The following NPAS3 variants were observed in gnomAD, a reference collection of about 807,000 sequenced individuals.
The protein encoded by NPAS3 is neuronal PAS domain protein 3.
Under a neutral mutation model 73.1 loss-of-function variants are expected in NPAS3, and 14 were observed. The ratio of observed to expected loss-of-function variants is 0.19; its 90% CI spans 0.13 to 0.30. NPAS3 has a LOEUF of 0.30. Among genes scored for constraint, NPAS3 ranks in the 10% least tolerant of loss-of-function variants. The pLI, the probability that NPAS3 is intolerant of heterozygous loss-of-function variation, is 1.00. For missense variants in NPAS3, 1,096 were observed against 1,250.0 expected (o/e 0.88, Z 1.86); for synonymous variants, 620 against 541.5 (o/e 1.14, Z -2.01).
rs375940595 is a variant in NPAS3 at position 33,101,679 on chromosome 14, G to C, written c.140+45685G>C. 3.5e-4 allele frequency among the ~76,000 whole-genome samples: 54 copies of C among 152,170 alleles called. 1 individual carries two copies. In the East Asian group the frequency reaches 9.9e-3, roughly 28 times the overall value. ...GGCCAGAGTTACATTTATGGGATCT[G>C]AGCCAACACCATTCATTCCTAAGCT... On this transcript the variant is annotated intron_variant, in intron 2 of 11. Transcript: ENST00000356141.
intron 4 of NPAS3, among the ~76,000 whole-genome samples, chr14:33,558,418 C>T (rs1265302208): frequency 2.6e-5 from 4 of 151,966 alleles, no homozygotes; most frequent in South Asian, 2.1e-4. Context: ...GCCACCACAC[C>T]CAGCTAATTT....
intron 1 of NPAS3, among the ~76,000 whole-genome samples, chr14:32,962,368 A>G (rs1439194598): frequency 1.3e-5 from 2 of 152,194 alleles, no homozygotes; most frequent in Admixed American, 1.3e-4. Context: ...GGAACAAGAC[A>G]AACCACTTAA....
chr14:33,186,397 TA>T (rs2045976216), intron 2 of NPAS3, among the ~76,000 whole-genome samples: 1 of 152,216 alleles, frequency 6.6e-6, no homozygotes, highest in African/African-American at 2.4e-5. Context: ...AAGTATTTTT[TA>T]AAGTGAATCT....
intron 1 of NPAS3, among the ~76,000 whole-genome samples, chr14:33,000,015 T>C (rs997426578): frequency 6.6e-6 from 1 of 152,148 alleles, no homozygotes; most frequent in African/African-American, 2.4e-5. Flanking sequence ...CAAAATGACC[T>C]AGTACACAAA....
chr14:33,054,307 A>G (rs2040808150), intron 1 of NPAS3, among the ~76,000 whole-genome samples: 1 of 152,330 alleles, frequency 6.6e-6, no homozygotes, highest in Non-Finnish European at 1.5e-5. Flanking sequence ...TACAATAATC[A>G]ACATGGGGCT....
intron 1 of NPAS3, among the ~76,000 whole-genome samples, chr14:33,028,945 G>A (rs954663777): frequency 6.6e-6 from 1 of 152,134 alleles, no homozygotes; most frequent in Admixed American, 6.5e-5. Context: ...GTTAAGCCCA[G>A]TGTGCATTAG....
At chr14:33,065,702 C>T (rs1208616027) in intron 2 of NPAS3, among the ~76,000 whole-genome samples, 2 of 151,884 alleles carry the variant, frequency 1.3e-5, no homozygotes, top group Admixed American at 6.6e-5. Context: ...GATCTCTGGG[C>T]CTTGCTCTTT....
chr14:33,389,260 G>A (rs755872372), intron 4 of NPAS3, among the ~76,000 whole-genome samples: 16 of 152,150 alleles, frequency 1.1e-4, no homozygotes, highest in Non-Finnish European at 2.2e-4. Context: ...TTTCATCATC[G>A]CGACTGCTTT....
At chr14:33,148,948 A>G (rs2044346103) in intron 2 of NPAS3, among the ~76,000 whole-genome samples, 1 of 152,048 alleles carries the variant, frequency 6.6e-6, no homozygotes, top group African/African-American at 2.4e-5. Flanking sequence ...TGGCCTCCCC[A>G]AGTGCTAAGA....
At chr14:32,966,503 A>G (rs899151844) in intron 1 of NPAS3, among the ~76,000 whole-genome samples, 20 of 152,206 alleles carry the variant, frequency 1.3e-4, no homozygotes, top group African/African-American at 3.6e-4. Context: ...CTACATGTGG[A>G]AGAATAAAAC....
At chr14:33,329,653 G>GGGTAGGCAGGGGCACGATGT (rs2043889366) in intron 3 of NPAS3, among the ~76,000 whole-genome samples, 2 of 152,194 alleles carry the variant, frequency 1.3e-5, no homozygotes, top group Admixed American at 1.3e-4. Context: ...GGGCACGATG[G>GGGTAGGCAGGGGCACGATGT]GGTAGGCAGG....
At chr14:33,281,955 T>G (rs1457547974) in intron 3 of NPAS3, among the ~76,000 whole-genome samples, 1 of 152,142 alleles carries the variant, frequency 6.6e-6, no homozygotes, top group Non-Finnish European at 1.5e-5. Flanking sequence ...TAATTCAAGT[T>G]TTTTTGCTAA....
chr14:33,476,714 C>G (rs1028417835), intron 4 of NPAS3, among the ~76,000 whole-genome samples: 2 of 152,156 alleles, frequency 1.3e-5, no homozygotes, highest in African/African-American at 4.8e-5. Context: ...TTTAAGGATT[C>G]TCATCATGGC....
intron 4 of NPAS3, among the ~76,000 whole-genome samples, chr14:33,388,509 G>T (rs958106936): frequency 6.6e-6 from 1 of 151,776 alleles, no homozygotes; most frequent in African/African-American, 2.4e-5. Flanking sequence ...GGGGGCGGGG[G>T]GCAGAAATAG....
At chr14:33,499,227 C>T (rs868602714) in intron 4 of NPAS3, among the ~76,000 whole-genome samples, 1 of 151,714 alleles carries the variant, frequency 6.6e-6, no homozygotes, top group Middle Eastern at 3.4e-3. Flanking sequence ...AGAATCAGAC[C>T]TCAGAGACTG....
intron 4 of NPAS3, among the ~76,000 whole-genome samples, chr14:33,412,939 C>T (rs2138922569): frequency 6.6e-6 from 1 of 152,272 alleles, no homozygotes; most frequent in South Asian, 2.1e-4. Context: ...AAGGAATCTT[C>T]AGTTTAGTGC....
rs145535200 is a variant in NPAS3, at chr14:33,470,085, C to T, written c.469-90036C>T. Among the ~76,000 whole-genome samples the T allele has an allele frequency of 3.2e-3, 480 of 152,272 alleles. 2 individuals carry two copies. The highest frequency in any genetic ancestry group is 0.011 in the African/African-American group (460 of 41,562). ...GGAACACCTACCTGTGGTCTCTCCA[C>T]GTGACTATTTGGCCTCCTCACAGCA... On this transcript the variant is annotated intron_variant, in intron 4 of 11. Transcript: ENST00000356141.
chr14:33,373,382 CTA>C (rs1218707167), intron 4 of NPAS3, among the ~76,000 whole-genome samples: 22 of 115,818 alleles, frequency 1.9e-4, no homozygotes, highest in South Asian at 6.9e-4. Context: ...TTATATTGAA[CTA>C]TATGTGTGTG....
intron 2 of NPAS3, among the ~76,000 whole-genome samples, chr14:33,097,216 A>G (rs2042448363): frequency 6.6e-6 from 1 of 151,456 alleles, no homozygotes; most frequent in Non-Finnish European, 1.5e-5. Flanking sequence ...CATCTCTGCA[A>G]AAAAATTGGT....
Sources: allele counts gnomAD v4.1 joint callset (sites outside exome capture counted in the v4.1 genomes callset), GRCh38; gene constraint gnomAD v4.1.1; transcripts MANE v1.5; gene names NCBI Gene and HGNC (gene_info 2026-07-23, HGNC 2026-07-21).